Variants in GALNT17 observed in about 807,000 individuals in gnomAD.
The protein encoded by GALNT17 is UDP-GalNAc:polypeptide N-acetylgalactosaminyltransferase-like 3.
GALNT17 carries 29 observed loss-of-function variants against 63.7 expected under a neutral mutation model. The ratio of observed to expected loss-of-function variants is 0.46; its 90% confidence interval spans 0.34 to 0.62. The LOEUF is 0.62. Among genes scored for constraint, GALNT17 ranks in the 20% least tolerant of loss-of-function variants. The pLI is 0.01. For synonymous variants in GALNT17, 305 were observed against 318.3 expected (o/e 0.96, Z 0.45); for missense variants, 603 against 799.6 (o/e 0.75, Z 2.97).
intron 9 of GALNT17, among the ~76,000 whole-genome samples, chr7:71,701,858 CATATATATATACATATATATATGTAT>C (rs1791648579): frequency 9.2e-5 from 2 of 21,644 alleles, no homozygotes; most frequent in South Asian, 9.4e-4. Flanking sequence ...TATATATACA[CATATATATATACATATATATATGTAT>C]ATATATATAT....
intron 2 of GALNT17, among the ~76,000 whole-genome samples, chr7:71,346,063 T>C (rs1444295998): frequency 6.7e-6 from 1 of 149,372 alleles, no homozygotes; most frequent in Non-Finnish European, 1.5e-5. Context: ...TATGGTGGCT[T>C]GTGCCTGTTG....
At chr7:71,260,122 A>G (rs1790360080) in intron 1 of GALNT17, among the ~76,000 whole-genome samples, 1 of 152,178 alleles carries the variant, frequency 6.6e-6, no homozygotes, top group South Asian at 2.1e-4. Flanking sequence ...TAGAAGTTGC[A>G]GTGAGGCTGA....
At chr7:71,344,324 A>G (rs1294479577) in intron 2 of GALNT17, among the ~76,000 whole-genome samples, 2 of 152,228 alleles carry the variant, frequency 1.3e-5, no homozygotes, top group African/African-American at 4.8e-5. Context: ...AGGAATTGCA[A>G]TTCCAGGCAC....
At chr7:71,236,204 AAT>A (rs1554342696) in intron 1 of GALNT17, among the ~76,000 whole-genome samples, 4 of 151,746 alleles carry the variant, frequency 2.6e-5, no homozygotes, top group African/African-American at 9.7e-5. Context: ...TAAAAAAAAA[AAT>A]AAAAATCTAC....
chr7:71,276,879 T>C (rs1790692296), intron 1 of GALNT17, among the ~76,000 whole-genome samples: 1 of 152,124 alleles, frequency 6.6e-6, no homozygotes, highest in Non-Finnish European at 1.5e-5. Flanking sequence ...GCACCTGTAA[T>C]CCCAGCTACT....
At position 71,355,242 on chromosome 7, in the gene GALNT17, TTTG is replaced by T. The variant is rs750518370; in HGVS notation, c.422+19518_422+19520del. Among the ~76,000 whole-genome samples the T allele has an allele frequency of 2.6e-4, 39 of 152,300 alleles. No homozygotes were observed. The East Asian group carries it at 6.4e-3, about 25-fold the overall frequency. ...TTCCTTGTATTTTCTTTTGACTTAC[TTTG>T]TTGTTGTTTTCCTTTCTGAAAAGCA... On this transcript the variant is annotated intron_variant, in intron 2 of 10. Coordinates refer to ENST00000333538, the MANE Select transcript of GALNT17 (RefSeq NM_022479.3).
At chr7:71,536,429 A>G (rs1299474208) in intron 5 of GALNT17, among the ~76,000 whole-genome samples, 1 of 152,218 alleles carries the variant, frequency 6.6e-6, no homozygotes, top group Non-Finnish European at 1.5e-5. Context: ...TGATAAAGAC[A>G]TATCCAAGAC....
At chr7:71,581,614 G>A (rs1698870714) in intron 6 of GALNT17, among the ~76,000 whole-genome samples, 1 of 152,256 alleles carries the variant, frequency 6.6e-6, no homozygotes, top group East Asian at 1.9e-4. Flanking sequence ...GGATTTGGGT[G>A]GGGAGACAGA....
chr7:71,376,315 AT>A (rs541338731), intron 2 of GALNT17, among the ~76,000 whole-genome samples: 265 of 133,380 alleles, frequency 2.0e-3, no homozygotes, highest in South Asian at 2.9e-3. Flanking sequence ...GCACAGGAGG[AT>A]TTTTTTTTTT....
intron 2 of GALNT17, among the ~76,000 whole-genome samples, chr7:71,345,155 T>G (rs1168635724): frequency 6.6e-6 from 1 of 151,424 alleles, no homozygotes; most frequent in African/African-American, 2.4e-5. Context: ...TTGTTTTTTT[T>G]TTTTGTTTTT....
intron 5 of GALNT17, among the ~76,000 whole-genome samples, chr7:71,444,842 A>G (rs1489479149): frequency 6.6e-6 from 1 of 152,072 alleles, no homozygotes; most frequent in Non-Finnish European, 1.5e-5. Flanking sequence ...AAACAAACAA[A>G]CAAACGAAAT....
intron 5 of GALNT17, among the ~76,000 whole-genome samples, chr7:71,431,031 A>G (rs1000480482): frequency 1.3e-5 from 2 of 152,028 alleles, no homozygotes; most frequent in East Asian, 1.9e-4. Context: ...CTTCAGGGCA[A>G]TGAAATGTGG....
chr7:71,144,979 T>C (rs754288549), intron 1 of GALNT17, among the ~76,000 whole-genome samples: 32 of 152,200 alleles, frequency 2.1e-4, no homozygotes, highest in Non-Finnish European at 1.8e-4. Flanking sequence ...TTGCCCACCT[T>C]GGCCTCCCAA....
At chr7:71,195,348 G>A (rs1030369587) in intron 1 of GALNT17, among the ~76,000 whole-genome samples, 1 of 151,938 alleles carries the variant, frequency 6.6e-6, no homozygotes, top group Admixed American at 6.6e-5. Flanking sequence ...CCTATAGCTG[G>A]GACCACAGGC....
At chr7:71,612,712 G>A (rs764655723) in intron 6 of GALNT17, among the ~76,000 whole-genome samples, 5 of 152,210 alleles carry the variant, frequency 3.3e-5, no homozygotes, top group Admixed American at 1.3e-4. Flanking sequence ...GGAAAGGAAA[G>A]GACATTTTGG....
rs562530064 is a variant in GALNT17, at chr7:71,591,868, GC to G, written c.1080+20469del. On this transcript the variant is annotated intron_variant, in intron 6 of 10. Coordinates refer to ENST00000333538, the MANE Select transcript of GALNT17 (RefSeq NM_022479.3). ...AGTAAAGACGGGGTTTCACCATGTTGCCCAGGCTGGTCTCGAAGTCCTGACC... is the reference window on the plus strand; with the variant it reads ...AGTAAAGACGGGGTTTCACCATGTTGCCAGGCTGGTCTCGAAGTCCTGACC... 3.5e-3 allele frequency among the ~76,000 whole-genome samples: 533 copies of G among 152,248 alleles called. 8 individuals carry two copies. The highest frequency in any genetic ancestry group is 0.012 in the African/African-American group (508 of 41,558).
chr7:71,592,624 A>T (rs910281311), intron 6 of GALNT17, among the ~76,000 whole-genome samples: 5 of 142,638 alleles, frequency 3.5e-5, no homozygotes, highest in African/African-American at 1.2e-4. Flanking sequence ...ATGCAGAGTG[A>T]GGCAACCCAT....
intron 6 of GALNT17, among the ~76,000 whole-genome samples, chr7:71,612,788 C>T (rs1409243268): frequency 6.6e-6 from 1 of 152,178 alleles, no homozygotes; most frequent in East Asian, 1.9e-4. Flanking sequence ...TTCATCCAAG[C>T]TCCTAGTTTA....
intron 1 of GALNT17, among the ~76,000 whole-genome samples, chr7:71,152,397 C>T (rs1285779784): frequency 6.6e-6 from 1 of 152,088 alleles, no homozygotes; most frequent in Non-Finnish European, 1.5e-5. Flanking sequence ...TATATGCAGA[C>T]CCAAGGGGCG....
Sources: allele counts gnomAD v4.1 joint callset (sites outside exome capture counted in the v4.1 genomes callset), GRCh38; gene constraint gnomAD v4.1.1; transcripts MANE v1.5; gene names NCBI Gene and HGNC (gene_info 2026-07-23, HGNC 2026-07-21).